Variants in TSC22D4 observed in about 807,000 individuals in gnomAD.
The protein encoded by TSC22D4 is TSC22 domain family protein 4.
Under a neutral mutation model 24.9 loss-of-function variants are expected in TSC22D4, and 5 were observed. That is an observed-to-expected ratio of 0.20 (90% confidence interval 0.10 to 0.42). TSC22D4 has a LOEUF of 0.42. Ranked by LOEUF, TSC22D4 falls within the 10% of genes least tolerant of loss-of-function variation. TSC22D4 has a pLI of 1.00. For synonymous variants in TSC22D4, 245 were observed against 243.2 expected (o/e 1.01, Z -0.07); for missense variants, 469 against 547.9 (o/e 0.86, Z 1.44).
intron 3 of TSC22D4, chr7:100,467,839 G>C (rs1799315570): frequency 1.5e-6 from 1 of 689,440 alleles, no homozygotes; most frequent in African/African-American, 1.8e-5. Flanking sequence ...AGAGCAAGGG[G>C]AAGAGGCACA....
At chr7:100,467,768 C>T (rs766208085) in intron 3 of TSC22D4, 168 bp from the exon 4 acceptor site, 17 of 746,474 alleles carry the variant, frequency 2.3e-5, no homozygotes, top group Non-Finnish European at 2.9e-5. Flanking sequence ...TGCCCAGGGC[C>T]TCCCAGGCCC....
In TSC22D4 at chr7:100,474,158, C is replaced by T. The variant is rs1799446752; in HGVS notation, c.929+116G>A. 1 of 1,383,376 alleles carries T rather than the reference C, an allele frequency of 7.2e-7. No individual in the cohort carries two copies. Among genetic ancestry groups the T allele is most frequent in the East Asian group, 2.3e-5 (1 of 43,028 alleles). The allele number at this position is 1,383,376 out of a possible 1,614,324, so 85.7% of individuals were successfully genotyped here. A position where few individuals can be genotyped will look rare whatever the true frequency, so the allele number is the denominator to read the frequency against. ...CCCAGGCCAGGTTTCTCTAAGAGGTCCTCTCCAAGTTCAACCTGGGGGAAG... is the reference window on the plus strand; with the variant it reads ...CCCAGGCCAGGTTTCTCTAAGAGGTTCTCTCCAAGTTCAACCTGGGGGAAG... On this transcript the variant is annotated intron_variant, in intron 3 of 4. Transcript: ENST00000300181. This position sits in a 1 kb window ranked among gnomAD's most constrained non-coding sequence, Gnocchi z 4.3.
At position 100,477,380 on chromosome 7, in the gene TSC22D4, G is replaced by A. The variant is rs752742245; in HGVS notation, c.659C>T (p.Ala220Val). Residue 220 changes from alanine to valine, a missense_variant, in exon 2 of 5, where the codon GCG becomes GTG. Coordinates refer to ENST00000300181, the MANE Select transcript of TSC22D4 (RefSeq NM_030935.5). This position sits in a 1 kb window ranked among gnomAD's most constrained non-coding sequence, Gnocchi z 7.8. ...ATPLPSLRVE[A>V]EAGGSGARTP... ...CCTGGCCCCTGAGCCCCCAGCCTCC[G>A]CTTCCACCCTCAGAGAGGGCAGGGG... 1.8e-5 allele frequency: 29 copies of A among 1,593,130 alleles called. No homozygotes were observed. Among genetic ancestry groups the A allele is most frequent in the Admixed American group, 5.3e-5 (3 of 56,162 alleles).
At chr7:100,471,849 A>C (rs1473702388) in intron 3 of TSC22D4, among the ~76,000 whole-genome samples, 3 of 152,156 alleles carry the variant, frequency 2.0e-5, no homozygotes, top group African/African-American at 7.2e-5. Context: ...AGAAGGGAGA[A>C]GGCAGTACCG....
chr7:100,474,461 A>G lies in TSC22D4; in HGVS notation c.763-21T>C, dbSNP rs764881410. 2.2e-5 allele frequency: 36 copies of G among 1,613,188 alleles called. No homozygotes were observed. The East Asian group carries it at 7.1e-4, about 32-fold the overall frequency. On this transcript the variant is annotated intron_variant, in intron 2 of 4. Transcript: ENST00000300181. The surrounding 1 kb of genome is among the most constrained non-coding windows in gnomAD (Gnocchi z 4.3). ...GGCACCTGGAGGCGGAGAGGTAGGAACCATCACATGAAAAGAGAAAAGAAA... is the reference window on the plus strand; with the variant it reads ...GGCACCTGGAGGCGGAGAGGTAGGAGCCATCACATGAAAAGAGAAAAGAAA...
chr7:100,474,241 C>A lies in TSC22D4; in HGVS notation c.929+33G>T, dbSNP rs1799448070. ...CGGGTGCTGGGCGGGGAACCTGAAC[C>A]CCACGCCCCACCACCCCACGAAGCC... is the stretch of plus-strand genomic sequence containing the variant. On this transcript the variant is annotated intron_variant, in intron 3 of 4. Transcript: ENST00000300181. This position sits in a 1 kb window ranked among gnomAD's most constrained non-coding sequence, Gnocchi z 4.3. 1.2e-6 allele frequency: 2 copies of A among 1,608,330 alleles called. No individual in the cohort carries two copies. The highest frequency in any genetic ancestry group is 8.5e-7 in the Non-Finnish European group (1 of 1,175,740).
At position 100,474,640 on chromosome 7, in the gene TSC22D4, A is replaced by G. The variant is rs1799460089; in HGVS notation, c.763-200T>C. ...GGTACTAGAAGCAAGAAGTGGGTCA[A>G]CCTAAGGAATGGGAGGAGTGGTGTA... On this transcript the variant is annotated intron_variant, in intron 2 of 4. Coordinates refer to ENST00000300181, the MANE Select transcript of TSC22D4 (RefSeq NM_030935.5). This position sits in a 1 kb window ranked among gnomAD's most constrained non-coding sequence, Gnocchi z 4.3. Among the ~76,000 whole-genome samples the G allele has an allele frequency of 6.6e-6, 1 of 152,070 alleles. No individual in the cohort carries two copies.
In TSC22D4 at chr7:100,466,786, A is replaced by G. The variant is rs2131037608; in HGVS notation, c.*173T>C. On this transcript the variant is annotated 3_prime_UTR_variant, in exon 5 of 5. Transcript: ENST00000300181. ...CCCGTCCTGAAGCCCTCCCTCCTCC[A>G]TCAAGGCTGGGGATGATGAGGAGAT... 1.4e-6 allele frequency: 1 copy of G among 713,254 alleles called. No individual in the cohort carries two copies. The highest frequency in any genetic ancestry group is 2.8e-5 in the East Asian group (1 of 35,784). 44.2% of individuals were successfully genotyped at this position (713,254 alleles called of 1,614,324 possible).
rs760307258 is a variant in TSC22D4 at position 100,467,968 on chromosome 7, AC to A, written c.930-369del. ...GCCCAAGGGGAAAGGGTCCTTAGAC[AC>A]CCCCCCAATGGAGAGGGATGCAGTG... is the stretch of plus-strand genomic sequence containing the variant. On this transcript the variant is annotated intron_variant, in intron 3 of 4. Transcript: ENST00000300181. 7 of 498,890 alleles carry A rather than the reference AC, an allele frequency of 1.4e-5. No homozygotes were observed. In the East Asian group the frequency reaches 2.4e-4, roughly 17 times the overall value. 30.9% of individuals were successfully genotyped at this position (498,890 alleles called of 1,614,324 possible).
At chr7:100,471,191 G>A (rs1030764878) in intron 3 of TSC22D4, among the ~76,000 whole-genome samples, 2 of 144,884 alleles carry the variant, frequency 1.4e-5, no homozygotes, top group Non-Finnish European at 1.5e-5. Context: ...ATGCTGTCCC[G>A]GATCTGTGGT....
intron 4 of TSC22D4, 44 bp downstream of exon 4, chr7:100,467,508 T>C: frequency 6.2e-7 from 1 of 1,605,918 alleles, no homozygotes; most frequent in East Asian, 2.2e-5. Flanking sequence ...GAGGGATGGC[T>C]TAAGGGGGCC....
chr7:100,472,497 G>C (rs1396906624), intron 3 of TSC22D4, among the ~76,000 whole-genome samples: 1 of 151,756 alleles, frequency 6.6e-6, no homozygotes, highest in African/African-American at 2.4e-5. Flanking sequence ...AGAGACAGCA[G>C]GAGGCTGGGC....
In TSC22D4 at chr7:100,478,207, G is replaced by A; in HGVS notation, c.-169C>T. The A allele has an allele frequency of 1.7e-6, 1 of 594,720 alleles. No individual in the cohort carries two copies. 36.8% of individuals were successfully genotyped at this position (594,720 alleles called of 1,614,324 possible). The stretch of plus-strand genomic sequence containing the variant: ...CTGGCGGGAACCGGGGGTGCCTGCT[G>A]GGTGAGGGGAGAAGAGGAGAGGGGA... On this transcript the variant is annotated 5_prime_UTR_variant, in exon 2 of 5. Coordinates refer to ENST00000300181, the MANE Select transcript of TSC22D4 (RefSeq NM_030935.5).
chr7:100,478,212 A>T lies in TSC22D4; in HGVS notation c.-174T>A. 9.1e-5 allele frequency: 4 copies of T among 43,928 alleles called. No individual in the cohort carries two copies. Among genetic ancestry groups the T allele is most frequent in the Admixed American group, 3.6e-4 (1 of 2,816 alleles). 2.7% of individuals were successfully genotyped at this position (43,928 alleles called of 1,614,324 possible). ...GGGAACCGGGGGTGCCTGCTGGGTG[A>T]GGGGAGAAGAGGAGAGGGGAGGTGG... On this transcript the variant is annotated 5_prime_UTR_variant, in exon 2 of 5. Coordinates refer to ENST00000300181, the MANE Select transcript of TSC22D4 (RefSeq NM_030935.5).
intron 3 of TSC22D4, among the ~76,000 whole-genome samples, chr7:100,468,874 T>C (rs1326710075): frequency 2.7e-5 from 4 of 150,056 alleles, no homozygotes; most frequent in African/African-American, 9.9e-5. Context: ...GAGGTGGAGG[T>C]TGCAGTGAGC....
In TSC22D4 at chr7:100,477,868, G is replaced by A; in HGVS notation, c.171C>T (p.Thr57=). The part of the protein sequence containing the change: ...EPSPDPGGKG[T]PRNGSPPPGA... ...CAGGTGGTGGGGAGCCATTCCGGGG[G>A]GTGCCCTTGCCCCCCGGATCGGGGC... The change falls in exon 2 of 5, where the codon ACC becomes ACT. Residue 57 remains threonine, a synonymous_variant. Coordinates refer to ENST00000300181, the MANE Select transcript of TSC22D4 (RefSeq NM_030935.5). The surrounding 1 kb of genome is among the most constrained non-coding windows in gnomAD (Gnocchi z 7.8). 6.3e-7 allele frequency: 1 copy of A among 1,587,696 alleles called. No homozygotes were observed. The highest frequency in any genetic ancestry group is 1.8e-5 in the Admixed American group (1 of 55,682).
chr7:100,467,589 C>T lies in TSC22D4; in HGVS notation c.941G>A (p.Ser314Asn), dbSNP rs1799308139. ...GATTTTGTTGTCAATGCCAACCAGG[C>T]TTCCGGAGCCACTGGAGAGACACAG... ...LDSDDDSGSG[S>N]LVGIDNKIEQ... The change falls in exon 4 of 5, where the codon AGC (serine) becomes AAC (asparagine). Residue 314 changes from serine to asparagine, a missense_variant. Physicochemically the swap from Ser to Asn is conservative, Grantham distance 46. Transcript: ENST00000300181. The T allele has an allele frequency of 2.5e-6, 4 of 1,614,086 alleles. No individual in the cohort carries two copies. The highest frequency in any genetic ancestry group is 3.4e-6 in the Non-Finnish European group (4 of 1,179,982).
chr7:100,477,734 G>C lies in TSC22D4; in HGVS notation c.305C>G (p.Pro102Arg). 6.2e-7 allele frequency: 1 copy of C among 1,602,564 alleles called. No homozygotes were observed. Among genetic ancestry groups the C allele is most frequent in the Non-Finnish European group, 8.5e-7 (1 of 1,179,614 alleles). Residue 102 changes from proline to arginine, a missense_variant, in exon 2 of 5, where the codon CCC (proline) becomes CGC (arginine). Pro to Arg is a moderately radical substitution (Grantham distance 103, BLOSUM62 -2). Transcript: ENST00000300181. The surrounding 1 kb of genome is among the most constrained non-coding windows in gnomAD (Gnocchi z 7.8). The stretch of plus-strand genomic sequence containing the variant: ...CTCCAGGAGTCCGCCGAAGCTGTGG[G>C]GCTCCAGGTCTCGCTCATAAACATC... Reference protein sequence around the residue: ...CVDVYERDLEPHSFGGLLEGI... With the variant: ...CVDVYERDLERHSFGGLLEGI...
At chr7:100,471,502 G>A (rs980155473) in intron 3 of TSC22D4, among the ~76,000 whole-genome samples, 35 of 152,322 alleles carry the variant, frequency 2.3e-4, no homozygotes, top group African/African-American at 6.7e-4. Flanking sequence ...CACTTTGGGA[G>A]GTCGAGGTGG....
Sources: gnomAD v4.1 joint callset for allele counts (sites outside exome capture counted in the v4.1 genomes callset) on GRCh38, gnomAD v4.1.1 for gene constraint, Gnocchi (gnomAD v3.1) non-coding constraint, MANE v1.5 for transcripts, NCBI Gene and HGNC (gene_info 2026-07-23, HGNC 2026-07-21) for gene names.